DTHD1: variants seen among roughly 807,000 people sequenced by gnomAD.
DTHD1 encodes the protein death domain-containing protein 1.
A neutral mutation model predicts 74.8 loss-of-function variants in DTHD1; 59 were observed. The ratio of observed to expected loss-of-function variants is 0.79; its 90% CI spans 0.64 to 0.98. The LOEUF (loss-of-function observed/expected upper bound fraction) is 0.98. Among genes scored for constraint, DTHD1 ranks in the 50% least tolerant of loss-of-function variants. The pLI is 0.00. For synonymous variants in DTHD1, 365 were observed against 371.1 expected, an observed-to-expected ratio of 0.98 and a Z score of 0.19; for missense variants, 1,051 against 1,065.4, an observed-to-expected ratio of 0.99 and a Z score of 0.19.
At chr4:36,314,747 GTTTTT>G (rs747523259) in intron 7 of DTHD1, among the ~76,000 whole-genome samples, 62 of 98,010 alleles carry the variant, frequency 6.3e-4, no homozygotes, top group Middle Eastern at 6.2e-3. Flanking sequence ...AACAATCTGA[GTTTTT>G]TTTTTTTTTT....
At chr4:36,283,916 G>A in intron 1 of DTHD1, 60 bp from the exon 2 acceptor site, 1 of 1,195,092 alleles carries the variant, frequency 8.4e-7, no homozygotes, top group Non-Finnish European at 1.2e-6. Context: ...TGTCAGTGCA[G>A]AAACATAATT....
chr4:36,334,907 A>G (rs1758920382), intron 8 of DTHD1, among the ~76,000 whole-genome samples: 1 of 152,234 alleles, frequency 6.6e-6, no homozygotes, highest in South Asian at 2.1e-4. Context: ...CATTCTGGCT[A>G]CTAAGTATTT....
At chr4:36,289,253 T>C (rs1410555604) in intron 2 of DTHD1, among the ~76,000 whole-genome samples, 1 of 152,188 alleles carries the variant, frequency 6.6e-6, no homozygotes, top group Non-Finnish European at 1.5e-5. Flanking sequence ...AGTTGGTAAT[T>C]TTAATGTAGA....
chr4:36,347,380 C>T lies in DTHD1; in HGVS notation c.*3556C>T, dbSNP rs1246863687. Among the ~76,000 whole-genome samples the T allele has an allele frequency of 6.6e-6, 1 of 151,946 alleles. No homozygotes were observed. Among genetic ancestry groups the T allele is most frequent in the African/African-American group, 2.4e-5 (1 of 41,370 alleles). ...TTAATGTATAATATTCTATTATATG[C>T]ATATATTAAAATTTTCATATCAATT... On this transcript the variant is annotated 3_prime_UTR_variant, in exon 10 of 10. Transcript: ENST00000639862.
In DTHD1 at chr4:36,343,671, A is replaced by G; in HGVS notation, c.2568A>G (p.Lys856=). Residue 856 remains lysine, a synonymous_variant, in exon 10 of 10, where the codon AAA becomes AAG. Coordinates refer to ENST00000639862, the MANE Select transcript of DTHD1 (RefSeq NM_001170700.3). ...TCCACGAGTTTCTTTGCTTCTGGAA[A>G]AAATCGCTTCCAACTTTCACCGACA... The part of the protein sequence containing the change: ...EQIHEFLCFW[K]KSLPTFTDKL... 6.4e-7 allele frequency: 1 copy of G among 1,551,814 alleles called. No individual in the cohort carries two copies. The highest frequency in any genetic ancestry group is 8.7e-7 in the Non-Finnish European group (1 of 1,146,980).
At chr4:36,337,639 T>TTCA (rs1447139118) in intron 8 of DTHD1, among the ~76,000 whole-genome samples, 1 of 152,234 alleles carries the variant, frequency 6.6e-6, no homozygotes, top group African/African-American at 2.4e-5. Flanking sequence ...AATAGCATAC[T>TTCA]TCAACTCATG....
intron 7 of DTHD1, among the ~76,000 whole-genome samples, chr4:36,309,625 T>C (rs1386436815): frequency 2.0e-5 from 3 of 152,238 alleles, no homozygotes; most frequent in Admixed American, 1.3e-4. Flanking sequence ...TAATATATCC[T>C]CTGAGCCTAA....
intron 6 of DTHD1, among the ~76,000 whole-genome samples, chr4:36,307,987 C>T (rs1757156199): frequency 6.6e-6 from 1 of 152,172 alleles, no homozygotes; most frequent in South Asian, 2.1e-4. Context: ...TGGGACGCCT[C>T]CCAAGTGGCA....
intron 3 of DTHD1, among the ~76,000 whole-genome samples, chr4:36,293,160 T>C (rs772691307): frequency 6.6e-6 from 1 of 152,226 alleles, no homozygotes; most frequent in Admixed American, 6.5e-5. Flanking sequence ...TTGAATGTTT[T>C]GGATAAAGGT....
At chr4:36,311,003 G>A (rs1354830407) in intron 7 of DTHD1, among the ~76,000 whole-genome samples, 2 of 152,130 alleles carry the variant, frequency 1.3e-5, no homozygotes, top group East Asian at 1.9e-4. Flanking sequence ...CCAAACGAAT[G>A]ATGCAAATGA....
chr4:36,281,989 T>C lies in DTHD1; in HGVS notation c.231T>C (p.His77=). 2.6e-6 allele frequency: 4 copies of C among 1,517,484 alleles called. No individual in the cohort carries two copies. Among genetic ancestry groups the C allele is most frequent in the Non-Finnish European group, 3.5e-6 (4 of 1,129,324 alleles). The allele number at this position is 1,517,484 out of a possible 1,614,324, so 94.0% of individuals were successfully genotyped here. The stretch of plus-strand genomic sequence containing the variant: ...TGCGTTCCACCTGCCAGCAGCTGCA[T>C]GTGCTGCTTGACAAAGAGAATCAAT... ...GTLRSTCQQL[H]VLLDKENQCV... is the part of the protein sequence containing the mutation. Residue 77 remains histidine, a synonymous_variant, in exon 1 of 10, where the codon CAT becomes CAC. Transcript: ENST00000639862.
chr4:36,331,819 A>C (rs1758696859), intron 8 of DTHD1, among the ~76,000 whole-genome samples: 1 of 152,254 alleles, frequency 6.6e-6, no homozygotes, highest in Non-Finnish European at 1.5e-5. Flanking sequence ...AGTATCAGAA[A>C]GTTCTTACCG....
At chr4:36,310,632 G>C (rs1221924041) in intron 7 of DTHD1, among the ~76,000 whole-genome samples, 2 of 152,104 alleles carry the variant, frequency 1.3e-5, no homozygotes, top group African/African-American at 4.8e-5. Flanking sequence ...TTTTCTCTCT[G>C]ATTCAGGAAA....
At chr4:36,324,136 CT>C (rs375099402) in intron 8 of DTHD1, among the ~76,000 whole-genome samples, 1 of 151,670 alleles carries the variant, frequency 6.6e-6, no homozygotes, top group African/African-American at 2.4e-5. Context: ...TTCCCTTCTC[CT>C]CCCCCCCATT....
intron 3 of DTHD1, among the ~76,000 whole-genome samples, chr4:36,291,708 A>G (rs1756091026): frequency 6.6e-6 from 1 of 152,154 alleles, no homozygotes; most frequent in Admixed American, 6.5e-5. Context: ...CATGTCTATA[A>G]TCCCAGCTAC....
At chr4:36,298,475 C>G (rs1193309474) in intron 5 of DTHD1, among the ~76,000 whole-genome samples, 2 of 151,970 alleles carry the variant, frequency 1.3e-5, no homozygotes, top group Admixed American at 6.6e-5. Context: ...TTTTTTCCAT[C>G]TAGTGGAGCA....
At chr4:36,312,674 A>G (rs1192508675) in intron 7 of DTHD1, among the ~76,000 whole-genome samples, 1 of 151,876 alleles carries the variant, frequency 6.6e-6, no homozygotes, top group Non-Finnish European at 1.5e-5. Flanking sequence ...ATTGCCAGTG[A>G]CACTGAACTC....
chr4:36,303,000 T>C (rs1036455788), intron 5 of DTHD1, among the ~76,000 whole-genome samples: 9 of 152,216 alleles, frequency 5.9e-5, no homozygotes, highest in African/African-American at 2.2e-4. Context: ...TTCTGTATCA[T>C]ATATTATTTT....
intron 9 of DTHD1, among the ~76,000 whole-genome samples, chr4:36,341,337 C>T (rs898405642): frequency 2.6e-5 from 4 of 152,094 alleles, no homozygotes; most frequent in African/African-American, 9.7e-5. Context: ...TGATGAAAAG[C>T]AGTGTGAGGG....
Sources: allele counts gnomAD v4.1 joint callset (sites outside exome capture counted in the v4.1 genomes callset), GRCh38; gene constraint gnomAD v4.1.1; transcripts MANE v1.5; gene names NCBI Gene and HGNC (gene_info 2026-07-23, HGNC 2026-07-21).